Variants in C8orf34 observed in about 807,000 individuals in gnomAD.
The protein encoded by C8orf34 is uncharacterized protein C8orf34.
In C8orf34, 65 loss-of-function variants were observed where a neutral mutation model predicts 68.3. The ratio of observed to expected loss-of-function variants is 0.95; its 90% confidence interval spans 0.78 to 1.17. The LOEUF (loss-of-function observed/expected upper bound fraction) is 1.17, where lower values mean the gene tolerates loss of function less well. C8orf34 is among the 50% of genes most tolerant of loss of function. C8orf34 has a pLI of 0.00. For missense variants in C8orf34, 664 were observed against 655.4 expected, an observed-to-expected ratio of 1.01 and a Z score of -0.14; for synonymous variants, 244 against 241.2, an observed-to-expected ratio of 1.01 and a Z score of -0.11.
rs1051628608 is a variant in C8orf34 at position 68,670,263 on chromosome 8, TC to T, written c.1241+29758del. Among the ~76,000 whole-genome samples the T allele has an allele frequency of 5.3e-5, 8 of 152,152 alleles. No individual in the cohort carries two copies. The East Asian group carries it at 5.8e-4, about 11-fold the overall frequency. ...TGAAAGACTTTCTAATCTTCTCATGTCCCCCCAATCCTCAGTAAATGCAGGG... is the reference window on the plus strand; with the variant it reads ...TGAAAGACTTTCTAATCTTCTCATGTCCCCCAATCCTCAGTAAATGCAGGG... On this transcript the variant is annotated intron_variant, in intron 8 of 13. Transcript: ENST00000518698.
intron 1 of C8orf34, among the ~76,000 whole-genome samples, chr8:68,368,014 A>G (rs1237550110): frequency 6.6e-6 from 1 of 151,428 alleles, no homozygotes. Context: ...AAGGTGCTAT[A>G]GAATCTATTA....
At chr8:68,375,396 TTAATC>T (rs1366791400) in intron 1 of C8orf34, among the ~76,000 whole-genome samples, 9 of 152,238 alleles carry the variant, frequency 5.9e-5, no homozygotes, top group East Asian at 1.9e-4. Context: ...GAAACAAAAA[TTAATC>T]TAAGTAAAAG....
At chr8:68,613,143 T>A (rs1003425035) in intron 7 of C8orf34, among the ~76,000 whole-genome samples, 3 of 152,040 alleles carry the variant, frequency 2.0e-5, no homozygotes, top group African/African-American at 7.2e-5. Flanking sequence ...TGGGTTTCAG[T>A]GAGATTAAAG....
intron 1 of C8orf34, among the ~76,000 whole-genome samples, chr8:68,406,736 C>G (rs959130289): frequency 4.6e-5 from 7 of 152,054 alleles, no homozygotes; most frequent in Non-Finnish European, 2.9e-5. Flanking sequence ...CTCAAGTGAC[C>G]CACTCACCTC....
At chr8:68,400,190 T>G (rs1468287005) in intron 1 of C8orf34, among the ~76,000 whole-genome samples, 1 of 152,154 alleles carries the variant, frequency 6.6e-6, no homozygotes, top group Non-Finnish European at 1.5e-5. Flanking sequence ...ATTTGTCTAT[T>G]TTTGTTTTTG....
At chr8:68,560,653 A>T (rs1343358785) in intron 7 of C8orf34, among the ~76,000 whole-genome samples, 1 of 152,296 alleles carries the variant, frequency 6.6e-6, no homozygotes, top group East Asian at 1.9e-4. Context: ...GGCAATTGTA[A>T]TGCAATGGTA....
At chr8:68,484,983 T>A (rs544550409) in intron 4 of C8orf34, among the ~76,000 whole-genome samples, 1 of 152,350 alleles carries the variant, frequency 6.6e-6, no homozygotes, top group East Asian at 1.9e-4. Flanking sequence ...AGAGTTGGCA[T>A]AATTAAAGGC....
At chr8:68,557,421 GC>G (rs1463763593) in intron 7 of C8orf34, among the ~76,000 whole-genome samples, 4 of 152,220 alleles carry the variant, frequency 2.6e-5, no homozygotes, top group Middle Eastern at 6.8e-3. Context: ...CTTACAAATT[GC>G]TTCCTAAAGA....
chr8:68,595,682 C>G (rs1397658607), intron 7 of C8orf34, among the ~76,000 whole-genome samples: 1 of 151,848 alleles, frequency 6.6e-6, no homozygotes, highest in Non-Finnish European at 1.5e-5. Flanking sequence ...ATTTTTTATT[C>G]TTTTCTCTTC....
chr8:68,489,964 T>C (rs774586183), intron 5 of C8orf34, among the ~76,000 whole-genome samples: 1 of 152,194 alleles, frequency 6.6e-6, no homozygotes, highest in Non-Finnish European at 1.5e-5. Flanking sequence ...ATTAGTTTCA[T>C]TGTCATCTGT....
At chr8:68,522,256 GAC>G (rs1449564025) in intron 6 of C8orf34, among the ~76,000 whole-genome samples, 8 of 152,116 alleles carry the variant, frequency 5.3e-5, no homozygotes, top group African/African-American at 1.9e-4. Flanking sequence ...TGCCAGTCAA[GAC>G]CTACTATAAT....
At chr8:68,742,982 C>T (rs1822347654) in intron 10 of C8orf34, among the ~76,000 whole-genome samples, 1 of 152,200 alleles carries the variant, frequency 6.6e-6, no homozygotes, top group East Asian at 1.9e-4. Context: ...TAGACATCTT[C>T]CTGTCTTCCC....
At chr8:68,547,978 G>C (rs1815941433) in intron 7 of C8orf34, among the ~76,000 whole-genome samples, 1 of 151,722 alleles carries the variant, frequency 6.6e-6, no homozygotes, top group African/African-American at 2.4e-5. Flanking sequence ...CATTGGTGCT[G>C]GAACAATTGA....
At chr8:68,391,301 A>G (rs191160089) in intron 1 of C8orf34, among the ~76,000 whole-genome samples, 4 of 152,276 alleles carry the variant, frequency 2.6e-5, no homozygotes, top group Admixed American at 6.5e-5. Context: ...GAGCCAAGCC[A>G]TGTGTAGGAC....
intron 8 of C8orf34, among the ~76,000 whole-genome samples, chr8:68,701,759 CT>C (rs1821024134): frequency 6.6e-6 from 1 of 152,072 alleles, no homozygotes; most frequent in South Asian, 2.1e-4. Flanking sequence ...CATCAGAAGA[CT>C]AGATTATTCA....
intron 1 of C8orf34, among the ~76,000 whole-genome samples, chr8:68,419,496 A>C (rs967904229): frequency 2.0e-5 from 3 of 151,818 alleles, no homozygotes; most frequent in Non-Finnish European, 4.4e-5. Flanking sequence ...CCAAAGGACT[A>C]TAAATCATGC....
chr8:68,805,932 T>C lies in C8orf34; in HGVS notation c.1550-9954T>C, dbSNP rs148130057. Among the ~76,000 whole-genome samples the C allele has an allele frequency of 2.3e-4, 35 of 152,188 alleles. No individual in the cohort carries two copies. The East Asian group carries it at 2.5e-3, about 11-fold the overall frequency. ...TTTTCATTTTCCTTCTTTCTTGCCT[T>C]TTTTGGGATAATTTTTTTGTTATTG... On this transcript the variant is annotated intron_variant, in intron 12 of 13. Coordinates refer to ENST00000518698, the MANE Select transcript of C8orf34 (RefSeq NM_052958.4).
intron 3 of C8orf34, among the ~76,000 whole-genome samples, chr8:68,463,473 G>A (rs1811949543): frequency 6.6e-6 from 1 of 152,180 alleles, no homozygotes; most frequent in Non-Finnish European, 1.5e-5. Flanking sequence ...CCAAAGCCGG[G>A]CAGAGACAAA....
At chr8:68,391,965 T>C (rs575537953) in intron 1 of C8orf34, among the ~76,000 whole-genome samples, 1 of 152,268 alleles carries the variant, frequency 6.6e-6, no homozygotes, top group African/African-American at 2.4e-5. Flanking sequence ...GGAAAACCAA[T>C]GAACATCGCT....
Sources: allele counts gnomAD v4.1 joint callset (sites outside exome capture counted in the v4.1 genomes callset), GRCh38; gene constraint gnomAD v4.1.1; transcripts MANE v1.5; gene names NCBI Gene and HGNC (gene_info 2026-07-23, HGNC 2026-07-21).